The following TAFA2 variants were observed in gnomAD, a reference collection of about 807,000 sequenced individuals.
The protein encoded by TAFA2 is chemokine-like protein TAFA-2.
Under a neutral mutation model 18.8 loss-of-function variants are expected in TAFA2, and 7 were observed. The ratio of observed to expected loss-of-function variants is 0.37; its 90% CI spans 0.21 to 0.70. The LOEUF (loss-of-function observed/expected upper bound fraction) is 0.70. Among genes scored for constraint, TAFA2 ranks in the 30% least tolerant of loss-of-function variants. The probability of loss-of-function intolerance (pLI) is 0.53; values close to 1 mark genes in which losing one functional copy is unlikely to be tolerated. For missense variants in TAFA2, 122 were observed against 158.1 expected (o/e 0.77, Z 1.23); for synonymous variants, 60 against 54.2 (o/e 1.11, Z -0.47).
chr12:61,938,649 C>A (rs942138871), intron 1 of TAFA2, among the ~76,000 whole-genome samples: 9 of 152,092 alleles, frequency 5.9e-5, no homozygotes, highest in Non-Finnish European at 1.3e-4. Flanking sequence ...GATATGGAAC[C>A]AACCTAAGTG....
At chr12:62,027,788 A>C (rs537898172) in intron 1 of TAFA2, among the ~76,000 whole-genome samples, 1 of 152,268 alleles carries the variant, frequency 6.6e-6, no homozygotes, top group East Asian at 1.9e-4. Context: ...CCAATTTTTC[A>C]TAGGTAGAAA....
intron 4 of TAFA2, among the ~76,000 whole-genome samples, chr12:61,734,951 A>G (rs1868279858): frequency 6.6e-6 from 1 of 151,984 alleles, no homozygotes; most frequent in African/African-American, 2.4e-5. Context: ...TCAACTGTAA[A>G]AGGATGATAA....
chr12:62,238,496 GCT>G (rs2062848044), intron 1 of TAFA2, among the ~76,000 whole-genome samples: 1 of 152,242 alleles, frequency 6.6e-6, no homozygotes, highest in African/African-American at 2.4e-5. Context: ...CCTCCCAACA[GCT>G]CTCTGAGTTA....
At chr12:62,257,694 A>G (rs938690731) in intron 1 of TAFA2, among the ~76,000 whole-genome samples, 20 of 152,186 alleles carry the variant, frequency 1.3e-4, no homozygotes, top group African/African-American at 4.6e-4. Flanking sequence ...AATAACAATC[A>G]CCAAGCAAAC....
intron 1 of TAFA2, among the ~76,000 whole-genome samples, chr12:62,041,470 T>C (rs1881755241): frequency 6.6e-6 from 1 of 152,162 alleles, no homozygotes; most frequent in Non-Finnish European, 1.5e-5. Context: ...AGTTAAAAGA[T>C]ATTTCTCTTA....
Position 61,793,397 on chromosome 12 carries a change from A to AT in TAFA2, c.107-38374_107-38373insA, listed in dbSNP as rs1007854646. On this transcript the variant is annotated intron_variant, in intron 2 of 4. Coordinates refer to ENST00000416284, the MANE Select transcript of TAFA2 (RefSeq NM_178539.5). ...GAACAAATGTTAGAAGAAAAAAAAA[A>AT]CTCCATAAGAAAAATTTTAAAAGTG... 7.3e-5 allele frequency among the ~76,000 whole-genome samples: 11 copies of AT among 151,050 alleles called. No homozygotes were observed. The East Asian group carries it at 7.8e-4, about 11-fold the overall frequency.
intron 1 of TAFA2, among the ~76,000 whole-genome samples, chr12:61,870,649 C>T (rs1026700791): frequency 6.6e-6 from 1 of 152,118 alleles, no homozygotes; most frequent in Non-Finnish European, 1.5e-5. Flanking sequence ...CACTCACAGT[C>T]TATTTTTAAC....
chr12:62,076,227 G>A (rs182268386), intron 1 of TAFA2, among the ~76,000 whole-genome samples: 33 of 152,168 alleles, frequency 2.2e-4, no homozygotes, highest in Admixed American at 2.2e-3. Context: ...ATAATCCATA[G>A]TATGCTGAAA....
chr12:61,752,915 C>T (rs1175103755), intron 4 of TAFA2, among the ~76,000 whole-genome samples: 1 of 151,862 alleles, frequency 6.6e-6, no homozygotes, highest in African/African-American at 2.4e-5. Flanking sequence ...CAAAACCTTC[C>T]TTTGCTAATT....
At chr12:61,768,388 G>T (rs1248064443) in intron 2 of TAFA2, among the ~76,000 whole-genome samples, 1 of 152,136 alleles carries the variant, frequency 6.6e-6, no homozygotes, top group Non-Finnish European at 1.5e-5. Context: ...CTCATACTGT[G>T]AACTCTTGCT....
chr12:62,248,723 ATTTCCC>A (rs1179117704), intron 1 of TAFA2, among the ~76,000 whole-genome samples: 4 of 152,074 alleles, frequency 2.6e-5, no homozygotes, highest in Admixed American at 2.6e-4. Context: ...TGTTGAAATT[ATTTCCC>A]TTCAAATTCT....
At chr12:62,210,297 ATTG>A (rs1180264021) in intron 1 of TAFA2, among the ~76,000 whole-genome samples, 6 of 152,118 alleles carry the variant, frequency 3.9e-5, no homozygotes, top group African/African-American at 1.2e-4. Context: ...TTCCCAGTTC[ATTG>A]TTTTTTCATT....
At chr12:62,151,056 C>T (rs2062324935) in intron 1 of TAFA2, among the ~76,000 whole-genome samples, 1 of 151,916 alleles carries the variant, frequency 6.6e-6, no homozygotes, top group Non-Finnish European at 1.5e-5. Flanking sequence ...ACACTAATTT[C>T]TTTATTTAGC....
chr12:61,774,780 A>T (rs1433027680), intron 2 of TAFA2, among the ~76,000 whole-genome samples: 1 of 151,790 alleles, frequency 6.6e-6, no homozygotes, highest in Non-Finnish European at 1.5e-5. Flanking sequence ...ATGTAACCAA[A>T]CACCTCCTGT....
At chr12:61,785,484 T>C (rs1381920454) in intron 2 of TAFA2, among the ~76,000 whole-genome samples, 1 of 151,470 alleles carries the variant, frequency 6.6e-6, no homozygotes, top group Non-Finnish European at 1.5e-5. Context: ...TAATTGAACA[T>C]GATATCACAT....
At chr12:61,802,232 T>C (rs1432750478) in intron 2 of TAFA2, among the ~76,000 whole-genome samples, 1 of 152,018 alleles carries the variant, frequency 6.6e-6, no homozygotes, top group Non-Finnish European at 1.5e-5. Flanking sequence ...AGAGCTACCA[T>C]ATGATCCAGC....
intron 2 of TAFA2, among the ~76,000 whole-genome samples, chr12:61,778,955 T>C (rs1435507978): frequency 1.3e-5 from 2 of 151,862 alleles, no homozygotes; most frequent in Non-Finnish European, 2.9e-5. Context: ...GCTTAAAATG[T>C]GCCCTGTTGA....
intron 4 of TAFA2, among the ~76,000 whole-genome samples, chr12:61,732,000 C>A (rs1870473301): frequency 6.6e-6 from 1 of 152,058 alleles, no homozygotes; most frequent in Non-Finnish European, 1.5e-5. Flanking sequence ...AGGCAAACAA[C>A]AGACATAATA....
At chr12:61,718,484 T>G (rs928901102) in intron 4 of TAFA2, among the ~76,000 whole-genome samples, 1 of 152,182 alleles carries the variant, frequency 6.6e-6, no homozygotes, top group Non-Finnish European at 1.5e-5. Context: ...TTGTTTCAGG[T>G]GCAGAATCAC....
Sources: allele counts gnomAD v4.1 joint callset (sites outside exome capture counted in the v4.1 genomes callset), GRCh38; gene constraint gnomAD v4.1.1; transcripts MANE v1.5; gene names NCBI Gene and HGNC (gene_info 2026-07-23, HGNC 2026-07-21).